SPTLC3: variants seen among roughly 807,000 people sequenced by gnomAD.
SPTLC3 encodes the protein serine palmitoyltransferase long chain base subunit 3.
In SPTLC3, 36 loss-of-function variants were observed where a neutral mutation model predicts 59.3. The ratio of observed to expected loss-of-function variants is 0.61; its 90% CI spans 0.47 to 0.80. The LOEUF (loss-of-function observed/expected upper bound fraction) is 0.80. Ranked by LOEUF, SPTLC3 falls within the 30% of genes least tolerant of loss-of-function variation. The pLI, the probability that SPTLC3 is intolerant of heterozygous loss-of-function variation, is 0.00. For synonymous variants in SPTLC3, 257 were observed against 240.8 expected (o/e 1.07, Z -0.62); for missense variants, 625 against 685.1 (o/e 0.91, Z 0.98).
chr20:13,080,962 T>C (rs1466941149), intron 4 of SPTLC3, among the ~76,000 whole-genome samples: 1 of 152,212 alleles, frequency 6.6e-6, no homozygotes, highest in African/African-American at 2.4e-5. Flanking sequence ...CCATTTGAAA[T>C]TATAATGAAA....
chr20:13,034,790 C>CA (rs144473176), intron 1 of SPTLC3, among the ~76,000 whole-genome samples: 7,898 of 146,646 alleles, frequency 0.054, 241 homozygotes, highest in South Asian at 0.085. Flanking sequence ...TGTTATTCAC[C>CA]AAAAAAAAAA....
intron 4 of SPTLC3, among the ~76,000 whole-genome samples, chr20:13,074,976 T>C (rs1219411165): frequency 2.0e-5 from 3 of 152,178 alleles, no homozygotes; most frequent in Non-Finnish European, 4.4e-5. Context: ...ATTTTCCTTT[T>C]AGTGAAAATG....
chr20:13,157,597 C>A (rs2038804878), intron 10 of SPTLC3, among the ~76,000 whole-genome samples: 1 of 151,690 alleles, frequency 6.6e-6, no homozygotes, highest in South Asian at 2.1e-4. Flanking sequence ...CTCATTAAAG[C>A]AACACAGAGT....
intron 1 of SPTLC3, among the ~76,000 whole-genome samples, chr20:13,034,316 G>A (rs1186549542): frequency 6.6e-6 from 1 of 152,184 alleles, no homozygotes; most frequent in Non-Finnish European, 1.5e-5. Flanking sequence ...CCCACATCAT[G>A]TGTGAGGCCA....
intron 9 of SPTLC3, among the ~76,000 whole-genome samples, chr20:13,128,791 A>C (rs1189208859): frequency 6.6e-6 from 1 of 151,714 alleles, no homozygotes; most frequent in Non-Finnish European, 1.5e-5. Context: ...CCCAGACTCA[A>C]GTGATTCTCC....
chr20:13,093,519 A>G lies in SPTLC3; in HGVS notation c.768A>G (p.Thr256=), dbSNP rs1989302869. Residue 256 remains threonine (T), a synonymous_variant, in exon 6 of 12, where the codon ACA becomes ACG. Coordinates refer to ENST00000399002, the MANE Select transcript of SPTLC3 (RefSeq NM_018327.4). ...TTTTAAGTGATGAGTTAAACCACAC[A>G]TCGCTTGTGCTTGGGGCCCGACTCT... is the stretch of plus-strand genomic sequence containing the variant. The part of the protein sequence containing the change: ...CLILSDELNH[T]SLVLGARLSG... 6.2e-7 allele frequency: 1 copy of G among 1,613,722 alleles called. No individual in the cohort carries two copies.
chr20:13,149,136 C>T (rs926414126), intron 9 of SPTLC3, among the ~76,000 whole-genome samples: 3 of 152,160 alleles, frequency 2.0e-5, no homozygotes, highest in Middle Eastern at 3.2e-3. Context: ...GGAAACTCTC[C>T]AGAGGGCTAC....
At chr20:13,159,915 C>A in intron 10 of SPTLC3, 88 bp from the exon 11 acceptor site, 1 of 1,430,180 alleles carries the variant, frequency 7.0e-7, no homozygotes. Context: ...AAGAAAAAAT[C>A]AATTAGCCAT....
chr20:13,058,030 G>A (rs1226166505), intron 2 of SPTLC3, among the ~76,000 whole-genome samples: 2 of 152,064 alleles, frequency 1.3e-5, no homozygotes, highest in African/African-American at 2.4e-5. Context: ...TGGCACCAAT[G>A]GTAATTCTGT....
intron 1 of SPTLC3, among the ~76,000 whole-genome samples, chr20:13,044,850 T>C (rs1233858815): frequency 2.0e-5 from 3 of 152,138 alleles, no homozygotes; most frequent in African/African-American, 7.2e-5. Flanking sequence ...ATCTTCATTG[T>C]TATGCTCGAC....
chr20:13,057,874 A>C (rs1987791570), intron 2 of SPTLC3, among the ~76,000 whole-genome samples: 1 of 152,240 alleles, frequency 6.6e-6, no homozygotes, highest in Admixed American at 6.5e-5. Context: ...AAAATCCAGA[A>C]GAGAATGTCA....
intron 11 of SPTLC3, among the ~76,000 whole-genome samples, chr20:13,160,883 A>T (rs1394192051): frequency 6.6e-6 from 1 of 152,238 alleles, no homozygotes; most frequent in Non-Finnish European, 1.5e-5. Context: ...AGTGGAGAAG[A>T]TTCACAGGGG....
At chr20:13,043,652 T>G (rs987360701) in intron 1 of SPTLC3, among the ~76,000 whole-genome samples, 2 of 152,196 alleles carry the variant, frequency 1.3e-5, no homozygotes, top group Non-Finnish European at 2.9e-5. Flanking sequence ...TTATACTGTC[T>G]CTTACCTTTA....
At chr20:13,101,488 G>A (rs370873595) in intron 6 of SPTLC3, among the ~76,000 whole-genome samples, 3 of 152,202 alleles carry the variant, frequency 2.0e-5, no homozygotes, top group South Asian at 2.1e-4. Flanking sequence ...ATTCTTGCTC[G>A]CTGAGTATTA....
At position 13,091,261 on chromosome 20, in the gene SPTLC3, C is replaced by T. The variant is rs189971480; in HGVS notation, c.732+54C>T. ...ACTGTATTACTCCTAAGAACTGTAA[C>T]TCTGAGTAGGTCCTTGTTAGAAGTA... On this transcript the variant is annotated intron_variant, in intron 5 of 11. Transcript: ENST00000399002. The T allele has an allele frequency of 1.9e-5, 30 of 1,590,012 alleles. No homozygotes were observed. The East Asian group carries it at 6.8e-4, about 36-fold the overall frequency.
At chr20:13,082,898 A>G (rs1988886950) in intron 4 of SPTLC3, among the ~76,000 whole-genome samples, 1 of 152,206 alleles carries the variant, frequency 6.6e-6, no homozygotes, top group Admixed American at 6.5e-5. Context: ...CTTGAAGAAG[A>G]CCAAGGACAT....
intron 4 of SPTLC3, among the ~76,000 whole-genome samples, chr20:13,075,631 G>A (rs1988618820): frequency 6.6e-6 from 1 of 152,148 alleles, no homozygotes. Flanking sequence ...GGGTGGAGAT[G>A]AAAACAGGAG....
intron 9 of SPTLC3, among the ~76,000 whole-genome samples, chr20:13,153,145 C>A (rs552117684): frequency 1.3e-5 from 2 of 152,322 alleles, no homozygotes; most frequent in East Asian, 3.9e-4. Flanking sequence ...TCTTATTGAG[C>A]AAACACTATC....
At chr20:13,010,996 G>A (rs931105305) in intron 1 of SPTLC3, among the ~76,000 whole-genome samples, 3 of 152,114 alleles carry the variant, frequency 2.0e-5, no homozygotes, top group East Asian at 1.9e-4. Context: ...AAGAACGGTC[G>A]AAAACATCAG....
Sources: allele counts gnomAD v4.1 joint callset (sites outside exome capture counted in the v4.1 genomes callset), GRCh38; gene constraint gnomAD v4.1.1; transcripts MANE v1.5; gene names NCBI Gene and HGNC (gene_info 2026-07-23, HGNC 2026-07-21).